GRIPAP1: variants seen among roughly 807,000 people sequenced by gnomAD.
GRIPAP1 encodes GRIP1-associated protein 1.
In GRIPAP1, 14 loss-of-function variants were observed where a neutral mutation model predicts 84.1. The observed-to-expected ratio is 0.17, with a 90% CI of 0.11 to 0.26. The LOEUF is 0.26. GRIPAP1 is among the 10% of genes least tolerant of loss of function. GRIPAP1 has a pLI of 1.00. For missense variants in GRIPAP1, 518 were observed against 674.2 expected, an observed-to-expected ratio of 0.77 and a Z score of 2.57; for synonymous variants, 261 against 256.8, an observed-to-expected ratio of 1.02 and a Z score of -0.15.
At chrX:48,990,053 C>A in intron 8 of GRIPAP1, 50 bp from the exon 9 acceptor site, 3 of 988,093 alleles carry the variant, frequency 3.0e-6, no homozygotes, top group Non-Finnish European at 4.2e-6. Flanking sequence ...AATATAAAGA[C>A]AAACCTAAAA....
At chrX:48,975,972 A>G in intron 24 of GRIPAP1, 46 bp downstream of exon 24, 1 of 1,037,996 alleles carries the variant, frequency 9.6e-7, no homozygotes, top group Non-Finnish European at 1.4e-6. Flanking sequence ...AGGGAGGGCC[A>G]GGTGAAGGCT....
intron 13 of GRIPAP1, among the ~76,000 whole-genome samples, chrX:48,987,320 T>C (rs2064495463): frequency 9.4e-6 from 1 of 106,862 alleles, no homozygotes; most frequent in Non-Finnish European, 1.9e-5. Flanking sequence ...AGCTAATTTT[T>C]TGTATTTTAG....
At chrX:48,981,528 C>T (rs1357156216) in intron 19 of GRIPAP1, 56 bp from the exon 20 acceptor site, 28 of 1,172,333 alleles carry the variant, frequency 2.4e-5, no homozygotes, top group Non-Finnish European at 2.9e-5. Flanking sequence ...CTGAAGCATG[C>T]TCCCTCCCTG....
chrX:48,998,792 G>A (rs2147751100), intron 3 of GRIPAP1, among the ~76,000 whole-genome samples: 1 of 111,885 alleles, frequency 8.9e-6, no homozygotes, highest in East Asian at 2.8e-4. Flanking sequence ...GGAGCACCTC[G>A]AATGTCTTGA....
Position 48,989,682 on chromosome X carries a change from T to C in GRIPAP1, c.799A>G (p.Lys267Glu). 2.5e-6 allele frequency: 3 copies of C among 1,205,454 alleles called. No individual in the cohort carries two copies. The highest frequency in any genetic ancestry group is 3.4e-6 in the Non-Finnish European group (3 of 889,783). The change falls in exon 11 of 26, where the codon AAG becomes GAG. Residue 267 changes from lysine to glutamate, a missense_variant. Lys to Glu is a moderately conservative substitution (Grantham distance 56). This residue lies in a region of GRIPAP1 where 372 missense variants were observed against 458.1 expected (regional missense o/e 0.81). Coordinates refer to ENST00000376423, the MANE Select transcript of GRIPAP1 (RefSeq NM_020137.5). ...RNKIEELQQR[K>E]EADHKAQLAR... ...AACTGGGCTTTGTGATCAGCTTCCTTCCGTTGTTGTAATTCCTCAATCTTG... is the reference window on the plus strand; with the variant it reads ...AACTGGGCTTTGTGATCAGCTTCCTCCCGTTGTTGTAATTCCTCAATCTTG...
At chrX:48,981,391 G>A (rs1233858101) in intron 20 of GRIPAP1, 25 bp downstream of exon 20, 7 of 1,205,344 alleles carry the variant, frequency 5.8e-6, no homozygotes, top group South Asian at 1.8e-5. Flanking sequence ...GGAGGGAGCC[G>A]TGCTTGGGCA....
intron 22 of GRIPAP1, among the ~76,000 whole-genome samples, 156 bp from the exon 23 acceptor site, chrX:48,976,519 CTG>C (rs2064423517): frequency 8.9e-6 from 1 of 111,743 alleles, no homozygotes; most frequent in Non-Finnish European, 1.9e-5. Flanking sequence ...CCCTCAGACT[CTG>C]TTTTCTCCTC....
intron 21 of GRIPAP1, among the ~76,000 whole-genome samples, chrX:48,979,761 C>T (rs1341268885): frequency 1.6e-5 from 1 of 62,503 alleles, no homozygotes; most frequent in Non-Finnish European, 2.9e-5. Context: ...TACAGGCGCC[C>T]GCCACCACAC....
At chrX:48,994,398 A>G (rs2064536302) in intron 5 of GRIPAP1, among the ~76,000 whole-genome samples, 1 of 109,127 alleles carries the variant, frequency 9.2e-6, no homozygotes, top group African/African-American at 3.3e-5. Flanking sequence ...TAATTTTTGT[A>G]TTCTTATTAG....
chrX:48,974,995 G>A (rs1162117086), intron 25 of GRIPAP1, among the ~76,000 whole-genome samples, 160 bp downstream of exon 25: 2 of 109,532 alleles, frequency 1.8e-5, no homozygotes, highest in African/African-American at 6.6e-5. Context: ...GAGGGTGGAA[G>A]ATGAGAGCAT....
intron 21 of GRIPAP1, chrX:48,980,823 C>T: frequency 6.4e-6 from 1 of 155,487 alleles, no homozygotes. Flanking sequence ...GCAGAGGTTG[C>T]GGTGAGCCGA....
chrX:48,995,688 C>T (rs979196902), intron 5 of GRIPAP1, among the ~76,000 whole-genome samples: 7 of 110,553 alleles, frequency 6.3e-5, no homozygotes, highest in Middle Eastern at 4.6e-3. Context: ...CTCCGCCTCC[C>T]GGGTTCAAGC....
chrX:48,985,968 C>T (rs1557063599), intron 13 of GRIPAP1, among the ~76,000 whole-genome samples: 4 of 111,055 alleles, frequency 3.6e-5, no homozygotes. Context: ...AGAAGCCGGG[C>T]GCGGTGGCTC....
At position 48,974,067 on chromosome X, in the gene GRIPAP1, C is replaced by T. The variant is rs2064409572; in HGVS notation, c.*126G>A. On this transcript the variant is annotated 3_prime_UTR_variant, in exon 26 of 26. Coordinates refer to ENST00000376423, the MANE Select transcript of GRIPAP1 (RefSeq NM_020137.5). ...TTAACACTAACCATCAGGCCTCTAG[C>T]CCCTTTAATGTCCAGTCTCCCAAGC... 4 of 462,541 alleles carry T rather than the reference C, an allele frequency of 8.6e-6. No individual in the cohort carries two copies. The East Asian group carries it at 1.5e-4, about 17-fold the overall frequency. The allele number at this position is 462,541 out of a possible 1,213,427, so 38.1% of individuals were successfully genotyped here.
At position 48,999,499 on chromosome X, in the gene GRIPAP1, C is replaced by G. The variant is rs1172827486; in HGVS notation, c.48G>C (p.Gln16His). Residue 16 changes from glutamine to histidine, a missense_variant, in exon 2 of 26, where the codon CAG (glutamine) becomes CAC (histidine). Coordinates refer to ENST00000376423, the MANE Select transcript of GRIPAP1 (RefSeq NM_020137.5). ...AGTTGTTTGTCCGGAGTTCCAGGAG[C>G]TGAGCCTTTGGGGGAGGCAGGAAGG... ...SEEEFQRMQA[Q>H]LLELRTNNYQ... 1.7e-6 allele frequency: 2 copies of G among 1,199,252 alleles called. No individual in the cohort carries two copies. Among genetic ancestry groups the G allele is most frequent in the Non-Finnish European group, 2.3e-6 (2 of 885,896 alleles).
At chrX:48,978,219 G>A in intron 22 of GRIPAP1, 86 bp downstream of exon 22, 1 of 1,014,233 alleles carries the variant, frequency 9.9e-7, no homozygotes, top group Middle Eastern at 2.6e-4. Context: ...AGTAGGAGAT[G>A]GGTTTAGGTG....
At chrX:48,984,646 C>A (rs181124023) in intron 14 of GRIPAP1, among the ~76,000 whole-genome samples, 1 of 91,629 alleles carries the variant, frequency 1.1e-5, no homozygotes, top group Non-Finnish European at 2.1e-5. Flanking sequence ...ACCCAGGAGG[C>A]GGAGGTTGCA....
chrX:48,982,786 C>T (rs1407965996), intron 17 of GRIPAP1, among the ~76,000 whole-genome samples, 193 bp downstream of exon 17: 4 of 112,560 alleles, frequency 3.6e-5, no homozygotes, highest in African/African-American at 6.4e-5. Flanking sequence ...AGCCTTAACA[C>T]GTGACAGTCT....
At position 48,982,399 on chromosome X, in the gene GRIPAP1, CAG is replaced by C. The variant is rs781824122; in HGVS notation, c.1600-529_1600-528del. On this transcript the variant is annotated intron_variant, in intron 17 of 25. Coordinates refer to ENST00000376423, the MANE Select transcript of GRIPAP1 (RefSeq NM_020137.5). ...GGCAACAAAGGTTCTTTTTCCGAGA[CAG>C]AGTCTCACTCCGTCACCCAGGCTGG... Among the ~76,000 whole-genome samples, 18 of 112,686 alleles carry C rather than the reference CAG, an allele frequency of 1.6e-4. No homozygotes were observed. The South Asian group carries it at 6.6e-3, about 41-fold the overall frequency.
Sources: gnomAD v4.1 joint callset for allele counts (sites outside exome capture counted in the v4.1 genomes callset) on GRCh38, gnomAD v4.1.1 for gene constraint, gnomAD v4.1.1 regional missense constraint, MANE v1.5 for transcripts, NCBI Gene and HGNC (gene_info 2026-07-23, HGNC 2026-07-21) for gene names.